The following CASQ2 variants were observed in gnomAD, a reference collection of about 807,000 sequenced individuals.
CASQ2 encodes calsequestrin 2, also known as calsequestrin-2.
Under a neutral mutation model 46.5 loss-of-function variants are expected in CASQ2, and 49 were observed. That is an observed-to-expected ratio of 1.05 (90% CI 0.84 to 1.34). The LOEUF (loss-of-function observed/expected upper bound fraction) is 1.34. CASQ2 is among the 40% of genes most tolerant of loss of function. CASQ2 has a pLI of 0.00. For synonymous variants in CASQ2, 174 were observed against 168.5 expected, an observed-to-expected ratio of 1.03 and a Z score of -0.25; for missense variants, 486 against 481.3, an observed-to-expected ratio of 1.01 and a Z score of -0.09.
intron 10 of CASQ2, 52 bp downstream of exon 10, chr1:115,702,869 A>T: frequency 7.5e-7 from 1 of 1,335,366 alleles, no homozygotes; most frequent in Non-Finnish European, 1.1e-6. Context: ...TGTGTAGCAG[A>T]AGACAGGGCA....
chr1:115,734,891 C>T (rs371365695), intron 4 of CASQ2, among the ~76,000 whole-genome samples: 151 of 152,220 alleles, frequency 9.9e-4, no homozygotes, highest in African/African-American at 3.4e-3. Context: ...AGAACCAAAC[C>T]AATTTGTTGG....
chr1:115,738,444 C>T, intron 3 of CASQ2, 109 bp from the exon 4 acceptor site: 1 of 778,858 alleles, frequency 1.3e-6, no homozygotes, highest in Admixed American at 1.7e-5. Flanking sequence ...TGGTTGGTGC[C>T]TCAAATATCT....
At chr1:115,707,404 A>G (rs1654397908) in intron 8 of CASQ2, among the ~76,000 whole-genome samples, 1 of 152,176 alleles carries the variant, frequency 6.6e-6, no homozygotes, top group Non-Finnish European at 1.5e-5. Flanking sequence ...ATCCGTGCTC[A>G]TAACCATATT....
rs549612021 is a variant in CASQ2, at chr1:115,710,012, T to C, written c.839-4720A>G. Among the ~76,000 whole-genome samples, 3 of 152,122 alleles carry C rather than the reference T, an allele frequency of 2.0e-5. No individual in the cohort carries two copies. The South Asian group carries it at 6.2e-4, about 32-fold the overall frequency. ...CACACACCACCATGCAGTTAATTTT[T>C]TTATTACTATTTGTAAAGATGAAGT... On this transcript the variant is annotated intron_variant, in intron 8 of 10. Coordinates refer to ENST00000261448, the MANE Select transcript of CASQ2 (RefSeq NM_001232.4).
chr1:115,701,501 T>C, intron 10 of CASQ2, 75 bp from the exon 11 acceptor site: 1 of 958,072 alleles, frequency 1.0e-6, no homozygotes, highest in Non-Finnish European at 1.7e-6. Flanking sequence ...CCGTGCTGAA[T>C]AGCTATGCTG....
intron 3 of CASQ2, 57 bp from the exon 4 acceptor site, chr1:115,738,392 G>T: frequency 8.8e-7 from 1 of 1,130,854 alleles, no homozygotes; most frequent in Non-Finnish European, 1.4e-6. Flanking sequence ...CTTCTTCACT[G>T]GGGAAACAGA....
intron 1 of CASQ2, among the ~76,000 whole-genome samples, chr1:115,761,463 G>GAA (rs1557806732): frequency 1.5e-4 from 2 of 12,944 alleles, no homozygotes; most frequent in Non-Finnish European, 3.5e-4. Context: ...AGAAGAAGAA[G>GAA]GAGAAGAAGA....
chr1:115,709,702 C>G (rs567678921), intron 8 of CASQ2, among the ~76,000 whole-genome samples: 18 of 152,280 alleles, frequency 1.2e-4, no homozygotes, highest in African/African-American at 4.1e-4. Context: ...GGACTGAGAC[C>G]GTTTGACCTT....
chr1:115,704,267 G>T (rs1190604884), intron 9 of CASQ2, among the ~76,000 whole-genome samples: 1 of 152,156 alleles, frequency 6.6e-6, no homozygotes, highest in Non-Finnish European at 1.5e-5. Flanking sequence ...ATAACCTAAT[G>T]ATAACTAAAC....
At chr1:115,728,656 C>T (rs1036483388) in intron 5 of CASQ2, among the ~76,000 whole-genome samples, 6 of 152,166 alleles carry the variant, frequency 3.9e-5, no homozygotes, top group Non-Finnish European at 1.5e-5. Context: ...TATCACGTGC[C>T]AGGCACTGCT....
chr1:115,750,896 C>CTGTAGGTATGTATCGCACTTACAGGA (rs1648557779), intron 1 of CASQ2, among the ~76,000 whole-genome samples: 1 of 150,982 alleles, frequency 6.6e-6, no homozygotes, highest in Admixed American at 6.6e-5. Flanking sequence ...AGATTGTATC[C>CTGTAGGTATGTATCGCACTTACAGGA]TGTAGGTATG....
intron 1 of CASQ2, among the ~76,000 whole-genome samples, chr1:115,766,346 A>C (rs1010749573): frequency 1.3e-5 from 2 of 152,198 alleles, no homozygotes; most frequent in Admixed American, 1.3e-4. Context: ...TCTCTGCTTC[A>C]GTTTCCACAT....
chr1:115,704,860 A>G (rs547896517), intron 9 of CASQ2, among the ~76,000 whole-genome samples: 9 of 152,366 alleles, frequency 5.9e-5, no homozygotes, highest in African/African-American at 2.2e-4. Flanking sequence ...GTCCCCACCC[A>G]GAAAATAAAA....
chr1:115,732,033 G>C (rs1647804793), intron 5 of CASQ2: 1 of 152,288 alleles, frequency 6.6e-6, no homozygotes, highest in African/African-American at 2.4e-5. Flanking sequence ...CCCACCTCAA[G>C]CCTCCCAAGT....
rs912489540 is a variant in CASQ2 at position 115,711,900 on chromosome 1, G to A, written c.838+5940C>T. Among the ~76,000 whole-genome samples, 10 of 152,038 alleles carry A rather than the reference G, an allele frequency of 6.6e-5. No individual in the cohort carries two copies. In the South Asian group the frequency reaches 8.3e-4, roughly 13 times the overall value. On this transcript the variant is annotated intron_variant, in intron 8 of 10. Coordinates refer to ENST00000261448, the MANE Select transcript of CASQ2 (RefSeq NM_001232.4). ...GAACTCCTGACCTTGTGATTCACCCGCCTGTAATCCCAAAGTGCTGGGATT... is the reference window on the plus strand; with the variant it reads ...GAACTCCTGACCTTGTGATTCACCCACCTGTAATCCCAAAGTGCTGGGATT...
chr1:115,745,323 AAT>A (rs1258931774), intron 1 of CASQ2, among the ~76,000 whole-genome samples: 8 of 152,102 alleles, frequency 5.3e-5, no homozygotes, highest in African/African-American at 1.9e-4. Context: ...AGGACCTAAG[AAT>A]AAAGGAGGCC....
chr1:115,727,096 C>G lies in CASQ2; in HGVS notation c.633G>C (p.Met211Ile). ...KGVAKKLSLKMNEVDFYEPFM... is the reference protein window; with the variant it reads ...KGVAKKLSLKINEVDFYEPFM... ...ATGGCTCATAGAAGTCAACCTCATT[C>G]ATCTTCAAAGATAATTTCTTTGCAA... The change falls in exon 6 of 11, where the codon ATG becomes ATC. Residue 211 changes from methionine (M) to isoleucine (I), a missense_variant. Coordinates refer to ENST00000261448, the MANE Select transcript of CASQ2 (RefSeq NM_001232.4). The G allele has an allele frequency of 6.2e-7, 1 of 1,613,096 alleles. No individual in the cohort carries two copies. The highest frequency in any genetic ancestry group is 8.5e-7 in the Non-Finnish European group (1 of 1,179,138).
chr1:115,704,545 T>A (rs1654302898), intron 9 of CASQ2, among the ~76,000 whole-genome samples: 1 of 152,228 alleles, frequency 6.6e-6, no homozygotes, highest in Non-Finnish European at 1.5e-5. Flanking sequence ...TCAGTACCAG[T>A]ACTTATTATC....
intron 1 of CASQ2, among the ~76,000 whole-genome samples, chr1:115,748,006 T>G (rs1648446282): frequency 6.6e-6 from 1 of 152,200 alleles, no homozygotes; most frequent in Admixed American, 6.5e-5. Flanking sequence ...AAGAATGTCT[T>G]GTTTTCTTAA....
Sources: gnomAD v4.1 joint callset for allele counts (sites outside exome capture counted in the v4.1 genomes callset) on GRCh38, gnomAD v4.1.1 for gene constraint, MANE v1.5 for transcripts, NCBI Gene and HGNC (gene_info 2026-07-23, HGNC 2026-07-21) for gene names.